Variants in HSBP1L1 observed in about 807,000 individuals in gnomAD.
HSBP1L1 encodes the protein heat shock factor-binding protein 1-like protein 1.
HSBP1L1 carries 8 observed loss-of-function variants against 9.7 expected under a neutral mutation model. The observed-to-expected ratio is 0.82, with a 90% CI of 0.48 to 1.48. The LOEUF (loss-of-function observed/expected upper bound fraction) is 1.48. Among genes scored for constraint, HSBP1L1 ranks in the 40% most tolerant of loss-of-function variants. HSBP1L1 has a pLI of 0.00. For missense variants in HSBP1L1, 106 were observed against 95.8 expected (o/e 1.11, Z -0.44); for synonymous variants, 39 against 34.4 (o/e 1.13, Z -0.46).
At chr18:79,966,923 C>A (rs1170222546) in intron 2 of HSBP1L1, 2 of 374,654 alleles carry the variant, frequency 5.3e-6, no homozygotes, top group Non-Finnish European at 1.0e-5. Flanking sequence ...CCGAGGTGGG[C>A]AGATCACGAG....
chr18:79,966,841 T>G lies in HSBP1L1; in HGVS notation c.118+163T>G, dbSNP rs903328303. On this transcript the variant is annotated intron_variant, in intron 2 of 3. Coordinates refer to ENST00000451882, the MANE Select transcript of HSBP1L1 (RefSeq NM_001136180.2). ...GGCTTCCTGATGTGTTAATTACCCC[T>G]CACCTATAGCAAAAGCTGTACCTCC... 6.8e-6 allele frequency: 4 copies of G among 590,908 alleles called. No individual in the cohort carries two copies. The African/African-American group carries it at 7.5e-5, about 11-fold the overall frequency. The allele number at this position is 590,908 out of a possible 1,614,324, so 36.6% of individuals were successfully genotyped here. A position where few individuals can be genotyped will look rare whatever the true frequency, so the allele number is the denominator to read the frequency against.
At chr18:79,968,736 C>T (rs1413452631) in intron 3 of HSBP1L1, among the ~76,000 whole-genome samples, 1 of 152,048 alleles carries the variant, frequency 6.6e-6, no homozygotes, top group Non-Finnish European at 1.5e-5. Flanking sequence ...CCCAAAGTGC[C>T]TCCTCTGCAG....
Position 79,970,410 on chromosome 18 carries a change from C to T in HSBP1L1, c.214-30C>T, listed in dbSNP as rs118028499. On this transcript the variant is annotated intron_variant, in intron 3 of 3. Coordinates refer to ENST00000451882, the MANE Select transcript of HSBP1L1 (RefSeq NM_001136180.2). Reference sequence around the variant, plus strand: ...TACTTAATACACCTGATAGGAGTTACGGCCTGAACGTTTATGTCTCCCTAA... The same window carrying T: ...TACTTAATACACCTGATAGGAGTTATGGCCTGAACGTTTATGTCTCCCTAA... 5,348 of 718,478 alleles carry T rather than the reference C, an allele frequency of 7.4e-3. 36 individuals carry two copies. The highest frequency in any genetic ancestry group is 0.01 in the Non-Finnish European group (3,967 of 384,994). 44.5% of individuals were successfully genotyped at this position (718,478 alleles called of 1,614,324 possible). A position where few individuals can be genotyped will look rare whatever the true frequency, so the allele number is the denominator to read the frequency against.
intron 3 of HSBP1L1, among the ~76,000 whole-genome samples, chr18:79,969,312 GGAAAGAAA>G (rs1305083344): frequency 1.9e-4 from 9 of 47,070 alleles, no homozygotes; most frequent in African/African-American, 6.9e-4. Flanking sequence ...GAGAGAGAAA[GGAAAGAAA>G]GAAAGAAAGA....
intron 3 of HSBP1L1, among the ~76,000 whole-genome samples, chr18:79,969,387 GAAAGAAAAAAA>G (rs1568356710): frequency 7.2e-5 from 5 of 69,252 alleles, no homozygotes; most frequent in East Asian, 8.5e-4. Context: ...AAGAAAGAAA[GAAAGAAAAAAA>G]AACGATGCAG....
chr18:79,970,411 G>T, intron 3 of HSBP1L1, 29 bp from the exon 4 acceptor site: 1 of 718,442 alleles, frequency 1.4e-6, no homozygotes, highest in South Asian at 1.5e-5. Context: ...TAGGAGTTAC[G>T]GCCTGAACGT....
At chr18:79,969,175 C>T (rs1048693556) in intron 3 of HSBP1L1, among the ~76,000 whole-genome samples, 16 of 131,338 alleles carry the variant, frequency 1.2e-4, no homozygotes, top group African/African-American at 3.4e-4. Flanking sequence ...GGCGACAGAG[C>T]GAGACAACAT....
intron 2 of HSBP1L1, chr18:79,967,767 TACAA>T (rs1366939165): frequency 4.7e-6 from 1 of 212,206 alleles, no homozygotes; most frequent in Admixed American, 5.4e-5. Flanking sequence ...AGCAAGACCC[TACAA>T]ACAAAAAAGA....
At position 79,968,515 on chromosome 18, in the gene HSBP1L1, G is replaced by A. The variant is rs1027416508; in HGVS notation, c.213+332G>A. Reference sequence around the variant, plus strand: ...CTAATTTTTGTATTTTAGTACAGACGGGGTTTCACTATGTTGGCCAGGCTG... The same window carrying A: ...CTAATTTTTGTATTTTAGTACAGACAGGGTTTCACTATGTTGGCCAGGCTG... On this transcript the variant is annotated intron_variant, in intron 3 of 3. Coordinates refer to ENST00000451882, the MANE Select transcript of HSBP1L1 (RefSeq NM_001136180.2). Among the ~76,000 whole-genome samples the A allele has an allele frequency of 3.9e-5, 6 of 152,060 alleles. No individual in the cohort carries two copies. The East Asian group carries it at 5.8e-4, about 15-fold the overall frequency.
chr18:79,969,387 GAA>G (rs1294208490), intron 3 of HSBP1L1, among the ~76,000 whole-genome samples: 9 of 69,150 alleles, frequency 1.3e-4, no homozygotes, highest in Middle Eastern at 7.0e-3. Flanking sequence ...AAGAAAGAAA[GAA>G]AGAAAAAAAA....
At chr18:79,969,285 AGG>A (rs1195991281) in intron 3 of HSBP1L1, among the ~76,000 whole-genome samples, 995 of 23,172 alleles carry the variant, frequency 0.043, 109 homozygotes, top group African/African-American at 0.11. Flanking sequence ...GGAGGGAGGG[AGG>A]GAGGGAGGGA....
intron 2 of HSBP1L1, 31 bp downstream of exon 2, chr18:79,966,709 G>A: frequency 7.0e-7 from 1 of 1,423,012 alleles, no homozygotes; most frequent in East Asian, 2.5e-5. Context: ...CAAATGCTGT[G>A]ATTCTTTCGG....
At chr18:79,967,860 T>C (rs1434259683) in intron 2 of HSBP1L1, 8 of 441,306 alleles carry the variant, frequency 1.8e-5, no homozygotes, top group African/African-American at 1.6e-4. Flanking sequence ...CCCAAATCCA[T>C]GTCCAAGCAA....
chr18:79,967,973 G>T, intron 2 of HSBP1L1, 116 bp from the exon 3 acceptor site: 1 of 612,822 alleles, frequency 1.6e-6, no homozygotes, highest in South Asian at 2.1e-5. Context: ...GCCTGTCGTT[G>T]ATTCCCTCAT....
rs547536891 is a variant in HSBP1L1, at chr18:79,970,557, G to C, written c.*106G>C. The C allele has an allele frequency of 1.7e-5, 12 of 693,550 alleles. No individual in the cohort carries two copies. The African/African-American group carries it at 2.0e-4, about 12-fold the overall frequency. 43.0% of individuals were successfully genotyped at this position (693,550 alleles called of 1,614,324 possible). ...CCAACAGGATTCGTCTTTCTGAGAAGAGACGCAAGGGGCTCGCCTGCTCTC... is the reference window on the plus strand; with the variant it reads ...CCAACAGGATTCGTCTTTCTGAGAACAGACGCAAGGGGCTCGCCTGCTCTC... On this transcript the variant is annotated 3_prime_UTR_variant, in exon 4 of 4. Coordinates refer to ENST00000451882, the MANE Select transcript of HSBP1L1 (RefSeq NM_001136180.2).
chr18:79,969,024 CA>C (rs1171308274), intron 3 of HSBP1L1, among the ~76,000 whole-genome samples: 18,037 of 91,212 alleles, frequency 0.2, 1,333 homozygotes, highest in East Asian at 0.32. Context: ...ACTAAAAATA[CA>C]AAAAAAAAAA....
chr18:79,969,401 C>CT (rs1209400893), intron 3 of HSBP1L1, among the ~76,000 whole-genome samples: 10 of 123,908 alleles, frequency 8.1e-5, no homozygotes, highest in African/African-American at 3.1e-4. Flanking sequence ...GAAAAAAAAA[C>CT]GATGCAGAAT....
At chr18:79,968,433 T>A (rs1252590068) in intron 3 of HSBP1L1, among the ~76,000 whole-genome samples, 1 of 152,126 alleles carries the variant, frequency 6.6e-6, no homozygotes, top group Admixed American at 6.5e-5. Flanking sequence ...TTTAAGCCAT[T>A]CTCCTGCCTC....
chr18:79,967,284 C>T (rs977701753), intron 2 of HSBP1L1, among the ~76,000 whole-genome samples: 7 of 152,248 alleles, frequency 4.6e-5, no homozygotes, highest in African/African-American at 1.2e-4. Flanking sequence ...CCGGACAGTG[C>T]CCCCTAGACC....
Sources: gnomAD v4.1 joint callset for allele counts (sites outside exome capture counted in the v4.1 genomes callset) on GRCh38, gnomAD v4.1.1 for gene constraint, MANE v1.5 for transcripts, NCBI Gene and HGNC (gene_info 2026-07-23, HGNC 2026-07-21) for gene names.